Variants in MGST1 observed in about 807,000 individuals in gnomAD.
MGST1 encodes the protein glutathione S-transferase 12.
Under a neutral mutation model 8.9 loss-of-function variants are expected in MGST1, and 5 were observed. The ratio of observed to expected loss-of-function variants is 0.56; its 90% CI spans 0.29 to 1.19. The LOEUF (loss-of-function observed/expected upper bound fraction) is 1.19. Ranked by LOEUF, MGST1 falls within the 50% of genes most tolerant of loss-of-function variation. The pLI is 0.08. For missense variants in MGST1, 182 were observed against 187.4 expected (o/e 0.97, Z 0.17); for synonymous variants, 54 against 67.8 (o/e 0.80, Z 1.00).
chr12:16,448,673 T>C (rs1387718212), intron 4 of MGST1, among the ~76,000 whole-genome samples: 2 of 151,956 alleles, frequency 1.3e-5, no homozygotes, highest in East Asian at 1.9e-4. Context: ...TTCAAACACA[T>C]GTTGGCTGAC....
chr12:16,477,670 G>A (rs1941333253), intron 4 of MGST1, among the ~76,000 whole-genome samples: 2 of 152,268 alleles, frequency 1.3e-5, no homozygotes, highest in African/African-American at 2.4e-5. Context: ...GCTATCAGTT[G>A]AGGTCATACT....
chr12:16,359,085 T>A (rs1334446981), intron 3 of MGST1, among the ~76,000 whole-genome samples: 1 of 152,092 alleles, frequency 6.6e-6, no homozygotes, highest in Non-Finnish European at 1.5e-5. Context: ...CTAAAAAAAA[T>A]GTGGCTAAAA....
downstream of MGST1, among the ~76,000 whole-genome samples, chr12:16,381,777 T>A (rs1433832650): frequency 1.3e-5 from 2 of 152,230 alleles, no homozygotes; most frequent in African/African-American, 4.8e-5. Flanking sequence ...GGTACACCAA[T>A]CAGATGTAGA....
In MGST1 at chr12:16,401,943, T is replaced by G. The variant is rs1027444561; in HGVS notation, n.778+18339T>G. The G allele has an allele frequency of 1.2e-6, 2 of 1,611,934 alleles. No homozygotes were observed. Among genetic ancestry groups the G allele is most frequent in the African/African-American group, 2.7e-5 (2 of 74,904 alleles). ...CACAACTGCACTGATATCTATTTTGTCAAAGCCTTCTTTGTTGAGGCAGTC... is the reference window on the plus strand; with the variant it reads ...CACAACTGCACTGATATCTATTTTGGCAAAGCCTTCTTTGTTGAGGCAGTC... On this transcript the variant is annotated intron_variant and non_coding_transcript_variant, in intron 1 of 1. Transcript: ENST00000359720. The surrounding 1 kb of genome is among the most constrained non-coding windows in gnomAD (Gnocchi z 4.3).
At chr12:16,527,899 G>A (rs1230673404) in intron 4 of MGST1, among the ~76,000 whole-genome samples, 1 of 151,958 alleles carries the variant, frequency 6.6e-6, no homozygotes, top group African/African-American at 2.4e-5. Flanking sequence ...CACTGTACAA[G>A]GTAGTCAGAG....
intron 1 of MGST1, chr12:16,399,861 T>C (rs1430240550): frequency 1.6e-6 from 2 of 1,230,482 alleles, no homozygotes; most frequent in Non-Finnish European, 2.4e-6. Flanking sequence ...ACAATTACCA[T>C]ATCAAAGTTC....
chr12:16,450,119 G>A (rs908618878), intron 4 of MGST1, among the ~76,000 whole-genome samples: 10 of 151,948 alleles, frequency 6.6e-5, no homozygotes, highest in Non-Finnish European at 1.3e-4. Flanking sequence ...TCTTCCAAAA[G>A]AGGTTTACAT....
At chr12:16,403,669 G>A (rs1311872684) in intron 1 of MGST1, among the ~76,000 whole-genome samples, 1 of 152,012 alleles carries the variant, frequency 6.6e-6, no homozygotes, top group Non-Finnish European at 1.5e-5. Context: ...AATTTATAAA[G>A]GAAAGAGGTT....
chr12:16,467,858 A>C (rs1445740547), intron 4 of MGST1, among the ~76,000 whole-genome samples: 1 of 152,160 alleles, frequency 6.6e-6, no homozygotes, highest in Non-Finnish European at 1.5e-5. Context: ...GCTCAAGAGA[A>C]ACTCCTACTT....
chr12:16,471,325 G>A (rs527802261), intron 4 of MGST1, among the ~76,000 whole-genome samples: 9 of 152,128 alleles, frequency 5.9e-5, no homozygotes, highest in Non-Finnish European at 1.0e-4. Flanking sequence ...CCCATTTTGC[G>A]GGGAATAATT....
chr12:16,581,320 A>G (rs939431438), intron 4 of MGST1, among the ~76,000 whole-genome samples: 1 of 152,168 alleles, frequency 6.6e-6, no homozygotes, highest in Non-Finnish European at 1.5e-5. Context: ...AACTTTGACT[A>G]AATGACTTAA....
chr12:16,466,995 T>C (rs145530204), intron 4 of MGST1, among the ~76,000 whole-genome samples: 1 of 151,950 alleles, frequency 6.6e-6, no homozygotes, highest in African/African-American at 2.4e-5. Flanking sequence ...ATGGCTTTGG[T>C]GGATGCCTAT....
At chr12:16,408,377 A>AT (rs1049279147) in intron 1 of MGST1, among the ~76,000 whole-genome samples, 5 of 152,150 alleles carry the variant, frequency 3.3e-5, no homozygotes, top group South Asian at 4.2e-4. Context: ...CCTAAAATAA[A>AT]TTTTTTTTAA....
downstream of MGST1, among the ~76,000 whole-genome samples, chr12:16,367,879 A>G (rs1008043494): frequency 7.9e-6 from 1 of 126,174 alleles, no homozygotes; most frequent in Non-Finnish European, 1.5e-5. Context: ...GTGCTTGGAT[A>G]GGTATAGTCA....
intron 4 of MGST1, among the ~76,000 whole-genome samples, chr12:16,562,695 T>C (rs1942446127): frequency 6.6e-6 from 1 of 152,240 alleles, no homozygotes. Context: ...CTGCCTGCTA[T>C]ACTGTGAACA....
At chr12:16,573,325 C>T (rs79379935) in intron 4 of MGST1, among the ~76,000 whole-genome samples, 28 of 152,054 alleles carry the variant, frequency 1.8e-4, no homozygotes, top group African/African-American at 6.3e-4. Context: ...TGAACTCAGA[C>T]ATATTGAATA....
chr12:16,408,251 A>G (rs1940713046), intron 1 of MGST1, among the ~76,000 whole-genome samples: 1 of 152,046 alleles, frequency 6.6e-6, no homozygotes, highest in Non-Finnish European at 1.5e-5. Flanking sequence ...GAGAAGCAAA[A>G]AAACAATAAT....
intron 4 of MGST1, among the ~76,000 whole-genome samples, chr12:16,449,617 T>A (rs778280680): frequency 6.6e-6 from 1 of 151,928 alleles, no homozygotes; most frequent in Non-Finnish European, 1.5e-5. Flanking sequence ...TCATTGTTCA[T>A]CAAAACAGAA....
chr12:16,377,177 G>A (rs1344568724), exon 4 of MGST1: 1 of 151,710 alleles, frequency 6.6e-6, no homozygotes, highest in African/African-American at 2.4e-5. Flanking sequence ...TAAAGTTTTA[G>A]GGTACATGTG....
Sources: gnomAD v4.1 joint callset for allele counts (sites outside exome capture counted in the v4.1 genomes callset) on GRCh38, gnomAD v4.1.1 for gene constraint, Gnocchi (gnomAD v3.1) non-coding constraint, MANE v1.5 for transcripts, NCBI Gene and HGNC (gene_info 2026-07-23, HGNC 2026-07-21) for gene names.